ARHGAP26: variants seen among roughly 807,000 people sequenced by gnomAD.
The protein encoded by ARHGAP26 is rho GTPase-activating protein 26.
In ARHGAP26, 38 loss-of-function variants were observed where a neutral mutation model predicts 104.8. That is an observed-to-expected ratio of 0.36 (90% CI 0.28 to 0.48). The LOEUF (loss-of-function observed/expected upper bound fraction) is 0.48. Ranked by LOEUF, ARHGAP26 falls within the 20% of genes least tolerant of loss-of-function variation. The pLI, the probability that ARHGAP26 is intolerant of heterozygous loss-of-function variation, is 0.99. For synonymous variants in ARHGAP26, 341 were observed against 340.0 expected (o/e 1.00, Z -0.03); for missense variants, 704 against 947.9 (o/e 0.74, Z 3.38).
At position 142,885,329 on chromosome 5, in the gene ARHGAP26, A is replaced by G; in HGVS notation, c.416A>G (p.Glu139Gly). ...EAKKKYDKET[E>G]KYCGILEKHL... Reference sequence around the variant, plus strand: ...AAAAAGAAGTATGACAAAGAGACAGAAAAGTATTGTGGCATCTTAGAAAAA... The same window carrying G: ...AAAAAGAAGTATGACAAAGAGACAGGAAAGTATTGTGGCATCTTAGAAAAA... Residue 139 changes from glutamate (E) to glycine (G), a missense_variant, in exon 5 of 23, where the codon GAA becomes GGA. By Grantham distance (98) the Glu-to-Gly change is moderately conservative (BLOSUM62 -2). Coordinates refer to ENST00000645722, the MANE Select transcript of ARHGAP26 (RefSeq NM_001135608.3). 1.9e-6 allele frequency: 3 copies of G among 1,613,856 alleles called. No individual in the cohort carries two copies. The highest frequency in any genetic ancestry group is 2.2e-5 in the East Asian group (1 of 44,888).
intron 20 of ARHGAP26, among the ~76,000 whole-genome samples, chr5:143,187,382 C>T (rs1321466990): frequency 6.6e-6 from 1 of 152,132 alleles, no homozygotes; most frequent in Non-Finnish European, 1.5e-5. Context: ...ATTTTTTCCT[C>T]TTTTCTATTT....
chr5:143,182,013 A>G (rs1193979643), intron 20 of ARHGAP26, among the ~76,000 whole-genome samples: 2 of 152,148 alleles, frequency 1.3e-5, no homozygotes, highest in African/African-American at 4.8e-5. Flanking sequence ...CCCCGTACAA[A>G]GCACATCCAT....
At position 143,214,545 on chromosome 5, in the gene ARHGAP26, T is replaced by G. The variant is rs1810026496; in HGVS notation, c.2191+457T>G. On this transcript the variant is annotated intron_variant, in intron 22 of 22. Transcript: ENST00000645722. Reference sequence around the variant, plus strand: ...CATAGTTCACAGTGACAGTTTTTCCTCACTTTTGTCTGGGCAGTGGGTGCT... The same window carrying G: ...CATAGTTCACAGTGACAGTTTTTCCGCACTTTTGTCTGGGCAGTGGGTGCT... Among the ~76,000 whole-genome samples, 3 of 152,242 alleles carry G rather than the reference T, an allele frequency of 2.0e-5. No homozygotes were observed. The South Asian group carries it at 6.2e-4, about 32-fold the overall frequency.
At chr5:143,155,289 G>A (rs1800343581) in intron 20 of ARHGAP26, among the ~76,000 whole-genome samples, 1 of 152,150 alleles carries the variant, frequency 6.6e-6, no homozygotes, top group Admixed American at 6.5e-5. Context: ...CTGGGCTGTG[G>A]AGGCCACAGC....
At chr5:143,039,517 C>A (rs1783134252) in intron 13 of ARHGAP26, among the ~76,000 whole-genome samples, 1 of 142,590 alleles carries the variant, frequency 7.0e-6, no homozygotes, top group South Asian at 2.2e-4. Flanking sequence ...TAACTTTCAA[C>A]AGGAGTTTTA....
At chr5:142,829,528 A>G (rs1027405670) in intron 1 of ARHGAP26, among the ~76,000 whole-genome samples, 4 of 152,252 alleles carry the variant, frequency 2.6e-5, no homozygotes, top group Admixed American at 6.5e-5. Context: ...AGAGATCTGC[A>G]GAGCAGAGGG....
chr5:142,965,649 G>A (rs997844603), intron 11 of ARHGAP26, among the ~76,000 whole-genome samples: 4 of 152,054 alleles, frequency 2.6e-5, no homozygotes, highest in African/African-American at 9.7e-5. Context: ...AATGATTAAT[G>A]ATATTCATAT....
intron 11 of ARHGAP26, among the ~76,000 whole-genome samples, chr5:143,011,927 A>G (rs1219714974): frequency 6.6e-6 from 1 of 152,194 alleles, no homozygotes; most frequent in South Asian, 2.1e-4. Context: ...CTGTTTCAGT[A>G]TATTTCTTTG....
At chr5:142,839,715 C>T (rs1281891023) in intron 1 of ARHGAP26, among the ~76,000 whole-genome samples, 2 of 151,962 alleles carry the variant, frequency 1.3e-5, no homozygotes, top group Admixed American at 6.6e-5. Flanking sequence ...ACAATTTGTT[C>T]GAAAGGGAAA....
intron 17 of ARHGAP26, 59 bp downstream of exon 17, chr5:143,057,806 G>A: frequency 7.2e-7 from 1 of 1,389,218 alleles, no homozygotes; most frequent in East Asian, 2.3e-5. Context: ...TATCTTAGCA[G>A]TGAAGCTGGT....
At chr5:143,115,648 A>G (rs530896285) in intron 17 of ARHGAP26, among the ~76,000 whole-genome samples, 1 of 152,290 alleles carries the variant, frequency 6.6e-6, no homozygotes, top group East Asian at 1.9e-4. Context: ...GACAGCCACC[A>G]TGACAAGAGC....
At chr5:142,983,713 G>A (rs1774282779) in intron 11 of ARHGAP26, among the ~76,000 whole-genome samples, 1 of 152,098 alleles carries the variant, frequency 6.6e-6, no homozygotes, top group African/African-American at 2.4e-5. Flanking sequence ...AAGATGAAGA[G>A]GAAAATGAAT....
At chr5:142,796,848 T>C (rs1442833428) in intron 1 of ARHGAP26, among the ~76,000 whole-genome samples, 2 of 152,238 alleles carry the variant, frequency 1.3e-5, no homozygotes, top group African/African-American at 2.4e-5. Context: ...ATCCCTGTCC[T>C]CCTTTGTTTG....
chr5:142,862,593 C>T (rs561198312), intron 1 of ARHGAP26, among the ~76,000 whole-genome samples: 18 of 152,254 alleles, frequency 1.2e-4, no homozygotes, highest in Admixed American at 5.9e-4. Flanking sequence ...AGTGGTGGTA[C>T]TCAGATTTCT....
At chr5:143,135,405 G>A (rs941683040) in intron 19 of ARHGAP26, among the ~76,000 whole-genome samples, 2 of 152,162 alleles carry the variant, frequency 1.3e-5, no homozygotes, top group East Asian at 1.9e-4. Flanking sequence ...ATTATAACTC[G>A]TTTCTGTGAG....
intron 11 of ARHGAP26, among the ~76,000 whole-genome samples, chr5:142,944,148 A>G (rs959535251): frequency 6.6e-6 from 1 of 152,200 alleles, no homozygotes. Context: ...TCTAGAGTTA[A>G]AAGTGTAGTG....
chr5:142,786,654 A>ATTTTTTTTTTTTTTTTTTTTTT (rs70991779), intron 1 of ARHGAP26, among the ~76,000 whole-genome samples: 1 of 104,446 alleles, frequency 9.6e-6, no homozygotes, highest in Non-Finnish European at 2.0e-5. Flanking sequence ...GAGTTCTAGA[A>ATTTTTTTTTTTTTTTTTTTTTT]TTTTTTTTTT....
chr5:143,119,083 T>G (rs1462392937), intron 17 of ARHGAP26, among the ~76,000 whole-genome samples: 2 of 150,914 alleles, frequency 1.3e-5, no homozygotes, highest in African/African-American at 4.9e-5. Context: ...CCAGGGGAGG[T>G]GTGAGAGCTG....
intron 11 of ARHGAP26, among the ~76,000 whole-genome samples, chr5:142,984,444 T>G (rs979656302): frequency 3.3e-5 from 5 of 152,220 alleles, no homozygotes; most frequent in Non-Finnish European, 5.9e-5. Flanking sequence ...AGAAACTCCT[T>G]TGATGAAAGA....
Sources: gnomAD v4.1 joint callset for allele counts (sites outside exome capture counted in the v4.1 genomes callset) on GRCh38, gnomAD v4.1.1 for gene constraint, MANE v1.5 for transcripts, NCBI Gene and HGNC (gene_info 2026-07-23, HGNC 2026-07-21) for gene names.